Variants in MCTP2 observed in about 807,000 individuals in gnomAD.
MCTP2 encodes the protein multiple C2 and transmembrane domain containing 2, also known as multiple C2 and transmembrane domain-containing protein 2.
MCTP2 carries 132 observed loss-of-function variants against 111.6 expected under a neutral mutation model. The observed-to-expected ratio is 1.18, with a 90% CI of 1.03 to 1.37. The LOEUF (loss-of-function observed/expected upper bound fraction) is 1.37. Among genes scored for constraint, MCTP2 ranks in the 40% most tolerant of loss-of-function variants. MCTP2 has a pLI of 0.00. For synonymous variants in MCTP2, 395 were observed against 387.7 expected (o/e 1.02, Z -0.22); for missense variants, 1,183 against 1,067.9 (o/e 1.11, Z -1.50).
chr15:94,349,998 G>A (rs1529776), intron 8 of MCTP2, among the ~76,000 whole-genome samples: 25,668 of 152,104 alleles, frequency 0.17, 2,682 homozygotes, highest in East Asian at 0.31. Context: ...GCTGGTAATG[G>A]TTAGAAATCC....
At chr15:94,381,114 C>T (rs2080111748) in intron 12 of MCTP2, among the ~76,000 whole-genome samples, 1 of 152,202 alleles carries the variant, frequency 6.6e-6, no homozygotes, top group African/African-American at 2.4e-5. Flanking sequence ...ATGTCAGTCT[C>T]CCTTGTCCTT....
intron 12 of MCTP2, among the ~76,000 whole-genome samples, chr15:94,374,828 G>C (rs1326127143): frequency 6.6e-6 from 1 of 152,098 alleles, no homozygotes; most frequent in Non-Finnish European, 1.5e-5. Flanking sequence ...ACCATGCCAA[G>C]AGTAGCAACA....
At position 94,458,225 on chromosome 15, in the gene MCTP2, C is replaced by A; in HGVS notation, c.2339C>A (p.Ser780Tyr). The A allele has an allele frequency of 2.5e-6, 4 of 1,605,670 alleles. No individual in the cohort carries two copies. The highest frequency in any genetic ancestry group is 3.4e-6 in the Non-Finnish European group (4 of 1,172,320). ...CAAAACGTCTTGGAGGAAATAGCTTCTTTTGGAGAAAGGATTAAGAAGTAA... is the reference window on the plus strand; with the variant it reads ...CAAAACGTCTTGGAGGAAATAGCTTATTTTGGAGAAAGGATTAAGAAGTAA... ...TVQNVLEEIA[S>Y]FGERIKNTFN... is the part of the protein sequence containing the mutation. The change falls in exon 20 of 23, where the codon TCT becomes TAT. Residue 780 changes from serine (S) to tyrosine (Y), a missense_variant. Transcript: ENST00000357742.
chr15:94,411,699 TTTTAGA>T (rs2082158675), intron 17 of MCTP2, among the ~76,000 whole-genome samples: 1 of 152,106 alleles, frequency 6.6e-6, no homozygotes, highest in African/African-American at 2.4e-5. Flanking sequence ...AACAGATGTG[TTTTAGA>T]GGGAGATTTT....
At chr15:94,330,463 C>G (rs8040069) in intron 4 of MCTP2, among the ~76,000 whole-genome samples, 150,928 of 152,316 alleles carry the variant, frequency 0.99, 74,784 homozygotes, top group East Asian at 1. Context: ...ACCCTTTATA[C>G]AGATTCTAAG....
intron 4 of MCTP2, among the ~76,000 whole-genome samples, chr15:94,325,933 C>T (rs1037087743): frequency 1.3e-5 from 2 of 150,276 alleles, no homozygotes; most frequent in African/African-American, 2.5e-5. Context: ...GATTCTCCTG[C>T]ATCAGCCTCC....
In MCTP2 at chr15:94,329,653, G is replaced by A. The variant is rs561696532; in HGVS notation, c.638-9637G>A. On this transcript the variant is annotated intron_variant, in intron 4 of 22. Transcript: ENST00000357742. ...TCATGAGAAATCCACCACCATGACCGGATGACCTCCCACCGGGCCCCACCT... is the reference window on the plus strand; with the variant it reads ...TCATGAGAAATCCACCACCATGACCAGATGACCTCCCACCGGGCCCCACCT... Among the ~76,000 whole-genome samples the A allele has an allele frequency of 7.2e-5, 11 of 152,184 alleles. No individual in the cohort carries two copies. In the South Asian group the frequency reaches 1.2e-3, roughly 17 times the overall value.
chr15:94,422,535 C>T (rs2082674817), intron 17 of MCTP2, among the ~76,000 whole-genome samples: 1 of 152,122 alleles, frequency 6.6e-6, no homozygotes, highest in Admixed American at 6.5e-5. Context: ...TAATTTTTTT[C>T]CAGTTTCCCA....
chr15:94,288,527 G>A (rs2074873958), intron 1 of MCTP2, among the ~76,000 whole-genome samples: 1 of 152,198 alleles, frequency 6.6e-6, no homozygotes, highest in Admixed American at 6.5e-5. Context: ...AAGGTGGGCT[G>A]CAATTTATGG....
chr15:94,276,694 A>T (rs977958224), intron 1 of MCTP2, among the ~76,000 whole-genome samples: 1 of 103,186 alleles, frequency 9.7e-6, no homozygotes, highest in African/African-American at 5.5e-5. Flanking sequence ...AGAATGAAAA[A>T]GATAGTTTAA....
chr15:94,425,033 T>C (rs986988935), intron 17 of MCTP2, among the ~76,000 whole-genome samples: 4 of 152,150 alleles, frequency 2.6e-5, no homozygotes, highest in African/African-American at 9.7e-5. Flanking sequence ...TACCCAATTT[T>C]TCCTGTGGTT....
At chr15:94,245,506 G>T (rs28398149) in intron 1 of MCTP2, among the ~76,000 whole-genome samples, 2 of 136,896 alleles carry the variant, frequency 1.5e-5, no homozygotes, top group African/African-American at 2.7e-5. Context: ...ATTTATATAT[G>T]TATACATATA....
chr15:94,237,542 G>A (rs1270891628), intron 1 of MCTP2, among the ~76,000 whole-genome samples: 2 of 151,730 alleles, frequency 1.3e-5, no homozygotes, highest in African/African-American at 2.4e-5. Context: ...ATTTAACCCT[G>A]TATATCATGA....
intron 12 of MCTP2, among the ~76,000 whole-genome samples, chr15:94,379,445 C>T (rs2079973915): frequency 6.6e-6 from 1 of 151,996 alleles, no homozygotes; most frequent in Non-Finnish European, 1.5e-5. Flanking sequence ...CCTCCCACGT[C>T]CCCCAAGCCT....
intron 1 of MCTP2, among the ~76,000 whole-genome samples, chr15:94,250,546 A>C (rs373779773): frequency 1.3e-5 from 2 of 152,326 alleles, no homozygotes; most frequent in South Asian, 4.1e-4. Flanking sequence ...AACACCATGA[A>C]ATTACCTAGA....
chr15:94,266,606 C>T (rs1338286374), intron 1 of MCTP2, among the ~76,000 whole-genome samples: 1 of 152,148 alleles, frequency 6.6e-6, no homozygotes, highest in Non-Finnish European at 1.5e-5. Flanking sequence ...TACCAACACT[C>T]AATTTTGGAG....
At chr15:94,430,487 A>G (rs1052368012) in intron 17 of MCTP2, among the ~76,000 whole-genome samples, 1 of 146,582 alleles carries the variant, frequency 6.8e-6, no homozygotes, top group African/African-American at 2.5e-5. Context: ...ATCCTAGCAC[A>G]TTGGGAGGGT....
At chr15:94,351,625 GTC>G (rs2078307222) in intron 8 of MCTP2, among the ~76,000 whole-genome samples, 1 of 152,142 alleles carries the variant, frequency 6.6e-6, no homozygotes, top group African/African-American at 2.4e-5. Context: ...TTATCCTTCT[GTC>G]TCTGAGACTA....
rs1333442543 is a variant in MCTP2, at chr15:94,314,473, C to G, written c.528+129C>G. Reference sequence around the variant, plus strand: ...AAAAATGCCAAACCGTATCCACTTACAAAACCAGGCCTTGCAAATTTTCGC... The same window carrying G: ...AAAAATGCCAAACCGTATCCACTTAGAAAACCAGGCCTTGCAAATTTTCGC... On this transcript the variant is annotated intron_variant, in intron 3 of 22. Transcript: ENST00000357742. The G allele has an allele frequency of 1.0e-5, 7 of 679,568 alleles. No individual in the cohort carries two copies. In the East Asian group the frequency reaches 1.7e-4, roughly 16 times the overall value. The allele number at this position is 679,568 out of a possible 1,614,324, so 42.1% of individuals were successfully genotyped here. A position where few individuals can be genotyped will look rare whatever the true frequency, so the allele number is the denominator to read the frequency against.
Sources: gnomAD v4.1 joint callset for allele counts (sites outside exome capture counted in the v4.1 genomes callset) on GRCh38, gnomAD v4.1.1 for gene constraint, MANE v1.5 for transcripts, NCBI Gene and HGNC (gene_info 2026-07-23, HGNC 2026-07-21) for gene names.